The following PLA2G4E variants were observed in gnomAD, a reference collection of about 807,000 sequenced individuals.
PLA2G4E encodes phospholipase A2 group IVE.
In PLA2G4E, 84 loss-of-function variants were observed where a neutral mutation model predicts 109.1. The observed-to-expected ratio is 0.77, with a 90% CI of 0.65 to 0.92. The LOEUF is 0.92. PLA2G4E is among the 40% of genes least tolerant of loss of function. The probability of loss-of-function intolerance (pLI) is 0.00; values close to 1 mark genes in which losing one functional copy is unlikely to be tolerated. For synonymous variants in PLA2G4E, 469 were observed against 436.1 expected, an observed-to-expected ratio of 1.08 and a Z score of -0.94; for missense variants, 1,057 against 1,076.6, an observed-to-expected ratio of 0.98 and a Z score of 0.25.
At chr15:41,992,345 G>A (rs2068263703) in intron 13 of PLA2G4E, among the ~76,000 whole-genome samples, 1 of 152,178 alleles carries the variant, frequency 6.6e-6, no homozygotes, top group Admixed American at 6.5e-5. Flanking sequence ...ACCACATGGT[G>A]GTCTGGGATG....
chr15:41,997,614 C>G (rs955842634), intron 10 of PLA2G4E: 1 of 165,780 alleles, frequency 6.0e-6, no homozygotes, highest in South Asian at 2.0e-4. Flanking sequence ...GGTGGCTTCT[C>G]TAGCCCAGGG....
At chr15:42,036,955 C>T (rs1889228357) in intron 1 of PLA2G4E, among the ~76,000 whole-genome samples, 1 of 152,328 alleles carries the variant, frequency 6.6e-6, no homozygotes, top group South Asian at 2.1e-4. Context: ...CTCAGAGCAC[C>T]GTGGGGCCGA....
chr15:42,033,175 G>C (rs1889144580), intron 1 of PLA2G4E, among the ~76,000 whole-genome samples: 1 of 152,140 alleles, frequency 6.6e-6, no homozygotes, highest in Non-Finnish European at 1.5e-5. Context: ...GAAGGCTCCT[G>C]AGCTCTTGCT....
chr15:42,026,917 G>A (rs922020829), intron 1 of PLA2G4E, among the ~76,000 whole-genome samples: 1 of 150,988 alleles, frequency 6.6e-6, no homozygotes, highest in Non-Finnish European at 1.5e-5. Context: ...AGATTGCAGT[G>A]AGCTGAGATC....
chr15:42,018,915 G>A (rs1485816694), intron 1 of PLA2G4E, among the ~76,000 whole-genome samples: 3 of 152,168 alleles, frequency 2.0e-5, no homozygotes, highest in African/African-American at 4.8e-5. Flanking sequence ...TGGCAGGGGT[G>A]AGGGTGGGGA....
intron 15 of PLA2G4E, among the ~76,000 whole-genome samples, chr15:41,988,746 T>G (rs1197871377): frequency 6.6e-6 from 1 of 152,178 alleles, no homozygotes; most frequent in Non-Finnish European, 1.5e-5. Flanking sequence ...CTAAACCACA[T>G]GCTCATCAGC....
At chr15:42,015,101 G>A (rs2068576155) in intron 1 of PLA2G4E, among the ~76,000 whole-genome samples, 1 of 152,136 alleles carries the variant, frequency 6.6e-6, no homozygotes, top group Non-Finnish European at 1.5e-5. Context: ...GCCCTCCCTG[G>A]GCTGCAGTGT....
intron 1 of PLA2G4E, among the ~76,000 whole-genome samples, chr15:42,039,755 C>G (rs1042954632): frequency 6.6e-6 from 1 of 151,856 alleles, no homozygotes; most frequent in Non-Finnish European, 1.5e-5. Context: ...AATTCACAGA[C>G]ACTATGTAGA....
At chr15:41,999,105 C>T (rs2068384889) in intron 10 of PLA2G4E, 1 of 151,650 alleles carries the variant, frequency 6.6e-6, no homozygotes, top group African/African-American at 2.5e-5. Context: ...TTGGATTAGG[C>T]AATGATTTCT....
In PLA2G4E at chr15:42,002,264, C is replaced by CAAAAAAAAAA. The variant is rs71108143; in HGVS notation, c.609+380_609+389dup. Among the ~76,000 whole-genome samples, 70 of 73,208 alleles carry CAAAAAAAAAA rather than the reference C, an allele frequency of 9.6e-4. 1 individual carries two copies. The highest frequency in any genetic ancestry group is 4.1e-3 in the African/African-American group (67 of 16,172). 48.0% of individuals were successfully genotyped at this position (73,208 alleles called of 152,430 possible). On this transcript the variant is annotated intron_variant, in intron 6 of 19. Coordinates refer to ENST00000399518, the Ensembl canonical transcript of PLA2G4E. ...TGGGCGACAGAGTGAGACCTTGTCT[C>CAAAAAAAAAA]AAAAAAAAAAAAAAAAAAAAAAAGG... is the stretch of plus-strand genomic sequence containing the variant.
exon 4 of PLA2G4E, chr15:42,006,096 T>C (rs1595566443): frequency 1.2e-6 from 2 of 1,613,902 alleles, no homozygotes; most frequent in East Asian, 4.5e-5. Flanking sequence ...TGTGTCTTCA[T>C]CACAGACACT....
At chr15:42,012,565 A>C (rs1363046517) in intron 2 of PLA2G4E, among the ~76,000 whole-genome samples, 4 of 152,134 alleles carry the variant, frequency 2.6e-5, no homozygotes, top group African/African-American at 9.7e-5. Flanking sequence ...CCTCTCCCCA[A>C]GATCGGGCTC....
intron 1 of PLA2G4E, among the ~76,000 whole-genome samples, chr15:42,024,461 G>A (rs1003104694): frequency 7.2e-5 from 11 of 152,188 alleles, no homozygotes; most frequent in Non-Finnish European, 1.2e-4. Context: ...CAGGCCTGTC[G>A]CCAGGCTTGT....
chr15:42,013,567 A>T, intron 2 of PLA2G4E, 118 bp downstream of exon 2: 1 of 879,764 alleles, frequency 1.1e-6, no homozygotes, highest in Non-Finnish European at 1.8e-6. Context: ...TACACCATGC[A>T]CGTGCACACG....
chr15:42,030,473 G>T (rs531666825), intron 1 of PLA2G4E, among the ~76,000 whole-genome samples: 2 of 152,314 alleles, frequency 1.3e-5, no homozygotes, highest in East Asian at 3.9e-4. Context: ...GGCACACTTT[G>T]CATCAGGCTC....
At chr15:42,030,029 G>A (rs1889085991) in intron 1 of PLA2G4E, among the ~76,000 whole-genome samples, 3 of 152,164 alleles carry the variant, frequency 2.0e-5, no homozygotes, top group Non-Finnish European at 4.4e-5. Context: ...GGGCCTGGAG[G>A]AGGAAGAATT....
chr15:42,034,845 C>A (rs1230033758), intron 1 of PLA2G4E, among the ~76,000 whole-genome samples: 1 of 152,206 alleles, frequency 6.6e-6, no homozygotes, highest in Non-Finnish European at 1.5e-5. Context: ...AGCCTATATG[C>A]CCCTTGGACT....
intron 1 of PLA2G4E, among the ~76,000 whole-genome samples, chr15:42,032,393 G>A (rs1050384903): frequency 3.3e-5 from 5 of 152,248 alleles, no homozygotes; most frequent in Admixed American, 1.3e-4. Context: ...CCACCCCACA[G>A]GGAAGGGGAG....
At chr15:41,999,826 C>G in intron 9 of PLA2G4E, 91 bp downstream of exon 9, 1 of 1,380,200 alleles carries the variant, frequency 7.2e-7, no homozygotes, top group South Asian at 1.2e-5. Context: ...GTCACATTCT[C>G]TCTTGTACCT....
Sources: allele counts gnomAD v4.1 joint callset (sites outside exome capture counted in the v4.1 genomes callset), GRCh38; gene constraint gnomAD v4.1.1; transcripts MANE v1.5; gene names NCBI Gene and HGNC (gene_info 2026-07-23, HGNC 2026-07-21).